The following ARID5B variants were observed in gnomAD, a reference collection of about 807,000 sequenced individuals.
ARID5B encodes the protein AT-rich interaction domain 5B, also known as AT-rich interactive domain-containing protein 5B.
ARID5B carries 13 observed loss-of-function variants against 97.2 expected under a neutral mutation model. The ratio of observed to expected loss-of-function variants is 0.13; its 90% confidence interval spans 0.09 to 0.21. ARID5B has a LOEUF of 0.21. Among genes scored for constraint, ARID5B ranks in the 10% least tolerant of loss-of-function variants. ARID5B has a pLI of 1.00. For synonymous variants in ARID5B, 556 were observed against 570.3 expected (o/e 0.97, Z 0.36); for missense variants, 1,210 against 1,465.3 (o/e 0.83, Z 2.84).
chr10:62,035,022 G>C (rs1839544085), intron 4 of ARID5B, among the ~76,000 whole-genome samples: 1 of 152,224 alleles, frequency 6.6e-6, no homozygotes, highest in Non-Finnish European at 1.5e-5. Flanking sequence ...TGAGATCTGT[G>C]TGTCCACAGA....
At chr10:62,059,022 G>A (rs1390589364) in intron 6 of ARID5B, among the ~76,000 whole-genome samples, 2 of 152,130 alleles carry the variant, frequency 1.3e-5, no homozygotes, top group African/African-American at 4.8e-5. Flanking sequence ...AACCATTTTT[G>A]TAGCTTTATG....
intron 4 of ARID5B, among the ~76,000 whole-genome samples, chr10:62,037,929 A>G (rs1054364834): frequency 2.6e-5 from 4 of 152,244 alleles, no homozygotes; most frequent in Non-Finnish European, 5.9e-5. Context: ...TCTGCCCCTA[A>G]AATCATATTA....
chr10:62,092,483 G>T lies in ARID5B; in HGVS notation c.3020G>T (p.Gly1007Val). 2 of 1,614,158 alleles carry T rather than the reference G, an allele frequency of 1.2e-6. No individual in the cohort carries two copies. The highest frequency in any genetic ancestry group is 1.1e-5 in the South Asian group (1 of 91,078). ...CGGAAAATGAGCCCGCAGAACATTGGGGCGGCGCGGCCGATCAAGCGCAGC... is the reference window on the plus strand; with the variant it reads ...CGGAAAATGAGCCCGCAGAACATTGTGGCGGCGCGGCCGATCAAGCGCAGC... ...LHRKMSPQNI[G>V]AARPIKRSLE... The change falls in exon 10 of 10, where the codon GGG (glycine) becomes GTG (valine). Residue 1007 changes from glycine (G) to valine (V), a missense_variant. Physicochemically the swap from Gly to Val is moderately radical, Grantham distance 109 (BLOSUM62 -3). Around this residue, in one of 8 missense-constraint regions of ARID5B, gnomAD observed 800 missense variants for 839.1 expected, o/e 0.95. Coordinates refer to ENST00000279873, the MANE Select transcript of ARID5B (RefSeq NM_032199.3).
At chr10:62,050,534 A>G (rs1564636954) in intron 4 of ARID5B, among the ~76,000 whole-genome samples, 1 of 152,362 alleles carries the variant, frequency 6.6e-6, no homozygotes, top group East Asian at 1.9e-4. Flanking sequence ...CAAAAACCAA[A>G]GATTGAGCTC....
At chr10:61,976,627 G>A (rs576883198) in intron 3 of ARID5B, among the ~76,000 whole-genome samples, 14 of 152,272 alleles carry the variant, frequency 9.2e-5, no homozygotes, top group Middle Eastern at 6.8e-3. Flanking sequence ...CTTGGTGAGC[G>A]GGCAAAGATG....
intron 8 of ARID5B, among the ~76,000 whole-genome samples, chr10:62,082,925 T>C (rs1283915295): frequency 6.6e-6 from 1 of 152,194 alleles, no homozygotes; most frequent in Non-Finnish European, 1.5e-5. Flanking sequence ...GCTGGTCATA[T>C]TTCTACTTGC....
intron 3 of ARID5B, among the ~76,000 whole-genome samples, chr10:61,980,645 G>C (rs142736409): frequency 6.6e-6 from 1 of 152,150 alleles, no homozygotes; most frequent in Non-Finnish European, 1.5e-5. Context: ...TAAATTCATC[G>C]AGCTTCCTGG....
chr10:62,090,630 G>A (rs1027867018), intron 9 of ARID5B, among the ~76,000 whole-genome samples: 2 of 152,102 alleles, frequency 1.3e-5, no homozygotes, highest in South Asian at 4.2e-4. Flanking sequence ...TATTTTGATA[G>A]GTATCTCATA....
At chr10:62,080,529 T>C (rs751809275) in intron 8 of ARID5B, among the ~76,000 whole-genome samples, 13 of 152,234 alleles carry the variant, frequency 8.5e-5, no homozygotes, top group Non-Finnish European at 1.6e-4. Flanking sequence ...CTATGCTTAT[T>C]GGAACTGTAA....
chr10:62,049,239 C>T, intron 4 of ARID5B: 1 of 1,372,188 alleles, frequency 7.3e-7, no homozygotes, highest in South Asian at 1.6e-5. Flanking sequence ...CTGGCAACTC[C>T]AGCAAAGTCC....
intron 4 of ARID5B, among the ~76,000 whole-genome samples, chr10:62,047,864 A>G (rs746444820): frequency 6.6e-6 from 1 of 152,182 alleles, no homozygotes; most frequent in Non-Finnish European, 1.5e-5. Flanking sequence ...CTTTACCTGG[A>G]GTCTTCTGAA....
chr10:62,090,971 T>G lies in ARID5B; in HGVS notation c.1508T>G (p.Phe503Cys). ...AAAAAAATAGAAGGGTATCAGGAATTTTCAGCGAAGCCCCTGGCATCCAGA... is the reference window on the plus strand; with the variant it reads ...AAAAAAATAGAAGGGTATCAGGAATGTTCAGCGAAGCCCCTGGCATCCAGA... ...MKKKIEGYQE[F>C]SAKPLASRVD... The change falls in exon 10 of 10, where the codon TTT (phenylalanine) becomes TGT (cysteine). Residue 503 changes from phenylalanine to cysteine, a missense_variant. Physicochemically the swap from Phe to Cys is radical, Grantham distance 205. Around this residue, in one of 8 missense-constraint regions of ARID5B, gnomAD observed 800 missense variants for 839.1 expected, o/e 0.95. Transcript: ENST00000279873. 6.2e-7 allele frequency: 1 copy of G among 1,614,056 alleles called. No homozygotes were observed. Among genetic ancestry groups the G allele is most frequent in the Non-Finnish European group, 8.5e-7 (1 of 1,180,008 alleles).
chr10:61,941,881 C>A (rs1844416925), intron 3 of ARID5B, among the ~76,000 whole-genome samples: 1 of 152,178 alleles, frequency 6.6e-6, no homozygotes, highest in African/African-American at 2.4e-5. Flanking sequence ...TGTGAACACA[C>A]AATAACTAGT....
chr10:61,988,936 C>CTTTTTT (rs61016394), intron 3 of ARID5B, among the ~76,000 whole-genome samples: 1 of 122,258 alleles, frequency 8.2e-6, no homozygotes, highest in Admixed American at 9.7e-5. Context: ...TTTTCTTTTA[C>CTTTTTT]TTTTTTTTTT....
intron 3 of ARID5B, among the ~76,000 whole-genome samples, chr10:61,984,798 A>G (rs1299080372): frequency 6.6e-6 from 1 of 152,108 alleles, no homozygotes; most frequent in African/African-American, 2.4e-5. Context: ...CAGAGTCCTC[A>G]CTGGTTCATA....
intron 3 of ARID5B, among the ~76,000 whole-genome samples, chr10:61,994,513 T>C (rs1241300512): frequency 6.6e-6 from 1 of 152,204 alleles, no homozygotes; most frequent in Non-Finnish European, 1.5e-5. Context: ...GCTCCATTAA[T>C]TCATTGTGTT....
intron 4 of ARID5B, among the ~76,000 whole-genome samples, chr10:62,006,620 T>C (rs1411389085): frequency 1.3e-5 from 2 of 152,172 alleles, no homozygotes; most frequent in African/African-American, 2.4e-5. Flanking sequence ...TGCTCCGTGA[T>C]ACATGTAATG....
intron 3 of ARID5B, among the ~76,000 whole-genome samples, chr10:61,962,851 T>C (rs578046505): frequency 7.5e-4 from 115 of 152,328 alleles, no homozygotes; most frequent in African/African-American, 2.7e-3. Flanking sequence ...GAGTAAATGA[T>C]TGGTAATTAT....
intron 3 of ARID5B, among the ~76,000 whole-genome samples, chr10:61,978,924 T>C (rs560446463): frequency 2.6e-4 from 39 of 152,344 alleles, no homozygotes; most frequent in African/African-American, 9.1e-4. Context: ...AGAGAGGGCA[T>C]CCCTGTCTTG....
Sources: gnomAD v4.1 joint callset for allele counts (sites outside exome capture counted in the v4.1 genomes callset) on GRCh38, gnomAD v4.1.1 for gene constraint, gnomAD v4.1.1 regional missense constraint, MANE v1.5 for transcripts, NCBI Gene and HGNC (gene_info 2026-07-23, HGNC 2026-07-21) for gene names.